The following ESRRB variants were observed in gnomAD, a reference collection of about 807,000 sequenced individuals.
ESRRB encodes estrogen related receptor beta, also known as steroid hormone receptor ERR2.
A neutral mutation model predicts 46.0 loss-of-function variants in ESRRB; 16 were observed. The ratio of observed to expected loss-of-function variants is 0.35; its 90% CI spans 0.24 to 0.53. The LOEUF is 0.53. ESRRB is among the 20% of genes least tolerant of loss of function. The probability of loss-of-function intolerance (pLI) is 0.93; values close to 1 mark genes in which losing one functional copy is unlikely to be tolerated. For synonymous variants in ESRRB, 246 were observed against 259.6 expected (o/e 0.95, Z 0.50); for missense variants, 488 against 607.4 (o/e 0.80, Z 2.07).
upstream of ESRRB, among the ~76,000 whole-genome samples, chr14:76,368,033 G>A (rs927008125): frequency 7.2e-6 from 1 of 139,048 alleles, no homozygotes; most frequent in African/African-American, 2.7e-5. Flanking sequence ...GCTCACTGAA[G>A]TCCCCTCCTC....
intron 1 of ESRRB, among the ~76,000 whole-genome samples, chr14:76,385,637 G>C (rs1037558595): frequency 3.3e-5 from 5 of 152,116 alleles, no homozygotes; most frequent in Non-Finnish European, 7.3e-5. Context: ...TGACTGTTAC[G>C]GGGTTCCTAC....
intron 1 of ESRRB, among the ~76,000 whole-genome samples, chr14:76,352,827 C>A (rs1239789582): frequency 6.6e-6 from 1 of 152,238 alleles, no homozygotes; most frequent in Non-Finnish European, 1.5e-5. Flanking sequence ...TCTGGGAACG[C>A]GGGCTCTCTC....
In ESRRB at chr14:76,388,175, C is replaced by CTTTTTT. The variant is rs35368784; in HGVS notation, c.50+11740_50+11745dup. On this transcript the variant is annotated intron_variant, in intron 1 of 6. Coordinates refer to ENST00000644823, the MANE Select transcript of ESRRB (RefSeq NM_001379180.1). ...TCTAGAATTTCAGCTTTCTTTCATTCTTTTTTTTTTTTTTTTTTTTTGAGA... is the reference window on the plus strand; with the variant it reads ...TCTAGAATTTCAGCTTTCTTTCATTCTTTTTTTTTTTTTTTTTTTTTTTTTTTGAGA... 4.6e-4 allele frequency among the ~76,000 whole-genome samples: 54 copies of CTTTTTT among 118,244 alleles called. 1 individual carries two copies. The highest frequency in any genetic ancestry group is 2.0e-3 in the East Asian group (8 of 4,058). 77.6% of individuals were successfully genotyped at this position (118,244 alleles called of 152,430 possible).
chr14:76,317,753 G>T lies in ESRRB; in HGVS notation c.2+6837G>T, dbSNP rs535922725. Among the ~76,000 whole-genome samples, 6 of 152,306 alleles carry T rather than the reference G, an allele frequency of 3.9e-5. No individual in the cohort carries two copies. In the South Asian group the frequency reaches 1.2e-3, roughly 32 times the overall value. On this transcript the variant is annotated intron_variant, in intron 1 of 6. Transcript: ENST00000512784. ...CCTCAGGATTGCTGGTAATTCAGGT[G>T]CTGATGCTTTCAGGACCACAGTTTC...
chr14:76,475,539 C>A (rs1889548087), intron 3 of ESRRB, among the ~76,000 whole-genome samples: 1 of 152,196 alleles, frequency 6.6e-6, no homozygotes, highest in African/African-American at 2.4e-5. Context: ...GTATATACCA[C>A]ATTTGCTTCT....
At chr14:76,315,200 G>A (rs1006587155) in intron 1 of ESRRB, among the ~76,000 whole-genome samples, 1 of 151,944 alleles carries the variant, frequency 6.6e-6, no homozygotes, top group African/African-American at 2.4e-5. Context: ...CTCTTCTGGG[G>A]CACCTTCTCC....
chr14:76,368,708 T>C (rs372053577), upstream of ESRRB, among the ~76,000 whole-genome samples: 267 of 152,306 alleles, frequency 1.8e-3, 2 homozygotes, highest in African/African-American at 6.3e-3. Flanking sequence ...TGTTCCCAGT[T>C]GTTTATGAAG....
chr14:76,478,361 C>T (rs935346), intron 3 of ESRRB, among the ~76,000 whole-genome samples: 36,720 of 152,004 alleles, frequency 0.24, 4,560 homozygotes, highest in Middle Eastern at 0.34. Context: ...TATATCAGGA[C>T]ACAGAACATC....
intron 3 of ESRRB, among the ~76,000 whole-genome samples, chr14:76,478,983 A>G (rs573460843): frequency 6.6e-6 from 1 of 152,262 alleles, no homozygotes; most frequent in African/African-American, 2.4e-5. Context: ...TTAGGGTCCA[A>G]GGTACAGGCA....
intron 1 of ESRRB, among the ~76,000 whole-genome samples, chr14:76,323,887 T>A (rs1397704493): frequency 6.6e-6 from 1 of 152,108 alleles, no homozygotes; most frequent in Non-Finnish European, 1.5e-5. Flanking sequence ...TCCCCCAGAG[T>A]GGGCGAGTCT....
intron 3 of ESRRB, among the ~76,000 whole-genome samples, chr14:76,480,898 T>C (rs1889780132): frequency 6.6e-6 from 1 of 152,230 alleles, no homozygotes; most frequent in Non-Finnish European, 1.5e-5. Context: ...CTTTCTTCTC[T>C]GAGGACTCTG....
intron 1 of ESRRB, among the ~76,000 whole-genome samples, chr14:76,340,532 G>A (rs1884179797): frequency 6.6e-6 from 1 of 152,206 alleles, no homozygotes. Flanking sequence ...GCCACATGGA[G>A]ACGGTTCTAC....
upstream of ESRRB, among the ~76,000 whole-genome samples, chr14:76,373,176 T>A (rs868277991): frequency 1.3e-5 from 2 of 152,188 alleles, no homozygotes; most frequent in African/African-American, 4.8e-5. Flanking sequence ...CTTGCCTACC[T>A]GGGGGTACTA....
chr14:76,380,709 G>T lies in ESRRB; in HGVS notation c.50+4258G>T, dbSNP rs377515869. 5.3e-5 allele frequency among the ~76,000 whole-genome samples: 8 copies of T among 152,188 alleles called. No homozygotes were observed. The South Asian group carries it at 1.2e-3, about 24-fold the overall frequency. Reference sequence around the variant, plus strand: ...CACAGCTCCCCTGGGAGCTTCTGTCGTAGAGTCTGGTGGCTCTTGACTGAA... The same window carrying T: ...CACAGCTCCCCTGGGAGCTTCTGTCTTAGAGTCTGGTGGCTCTTGACTGAA... On this transcript the variant is annotated intron_variant, in intron 1 of 6. Coordinates refer to ENST00000644823, the MANE Select transcript of ESRRB (RefSeq NM_001379180.1).
intron 1 of ESRRB, among the ~76,000 whole-genome samples, chr14:76,423,478 C>T (rs915577847): frequency 8.5e-5 from 13 of 152,112 alleles, no homozygotes; most frequent in African/African-American, 2.2e-4. Context: ...GATCAGAATT[C>T]GATCGAAACT....
At chr14:76,472,236 G>T (rs919139906) in intron 3 of ESRRB, among the ~76,000 whole-genome samples, 1 of 152,182 alleles carries the variant, frequency 6.6e-6, no homozygotes, top group Non-Finnish European at 1.5e-5. Context: ...GTACAGTTTT[G>T]GAGACTTCTT....
At chr14:76,420,812 T>G (rs1389679546) in intron 1 of ESRRB, among the ~76,000 whole-genome samples, 1 of 152,116 alleles carries the variant, frequency 6.6e-6, no homozygotes, top group African/African-American at 2.4e-5. Flanking sequence ...TCCCATTTCA[T>G]CCACCTCAAA....
rs78609607 is a variant in ESRRB at position 76,478,208 on chromosome 14, G to T, written c.578-3808G>T. Among the ~76,000 whole-genome samples the T allele has an allele frequency of 3.3e-3, 507 of 152,286 alleles. 4 individuals carry two copies. Among genetic ancestry groups the T allele is most frequent in the African/African-American group, 0.012 (495 of 41,566 alleles). On this transcript the variant is annotated intron_variant, in intron 3 of 6. Transcript: ENST00000644823. Reference sequence around the variant, plus strand: ...TGTGAGCCGCCCCTGGCCTTAACGGGTGCCTAGTCAGTAGGGGAAGCCCAG... The same window carrying T: ...TGTGAGCCGCCCCTGGCCTTAACGGTTGCCTAGTCAGTAGGGGAAGCCCAG...
rs546495818 is a variant in ESRRB at position 76,498,453 on chromosome 14, G to C, written c.1360G>C (p.Val454Leu). ...KLFLEMLEAK[V>L] ...CTTCCTGGAGATGCTGGAGGCCAAG[G>C]TGTGATGGCCCCGCACACGGACCAA... Residue 454 changes from valine (V) to leucine (L), a missense_variant, in exon 7 of 7, where the codon GTG becomes CTG. Transcript: ENST00000644823. 3.4e-5 allele frequency: 55 copies of C among 1,613,310 alleles called. No homozygotes were observed. The Admixed American group carries it at 6.2e-4, about 18-fold the overall frequency.
Sources: gnomAD v4.1 joint callset for allele counts (sites outside exome capture counted in the v4.1 genomes callset) on GRCh38, gnomAD v4.1.1 for gene constraint, MANE v1.5 for transcripts, NCBI Gene and HGNC (gene_info 2026-07-23, HGNC 2026-07-21) for gene names.